The following ARHGEF12 variants were observed in gnomAD, a reference collection of about 807,000 sequenced individuals.
ARHGEF12 encodes the protein KMT2A/ARHGEF12 fusion protein.
Under a neutral mutation model 211.2 loss-of-function variants are expected in ARHGEF12, and 66 were observed. The ratio of observed to expected loss-of-function variants is 0.31; its 90% CI spans 0.26 to 0.38. The LOEUF is 0.38. Among genes scored for constraint, ARHGEF12 ranks in the 10% least tolerant of loss-of-function variants. The pLI is 1.00. For missense variants in ARHGEF12, 1,429 were observed against 1,869.5 expected (o/e 0.76, Z 4.34); for synonymous variants, 592 against 638.4 (o/e 0.93, Z 1.09).
At chr11:120,440,044 T>C (rs1025074217) in intron 12 of ARHGEF12, 85 bp from the exon 13 acceptor site, 2 of 909,060 alleles carry the variant, frequency 2.2e-6, no homozygotes, top group Non-Finnish European at 1.8e-6. Context: ...AAGTGAACCA[T>C]GTCTTTTTGA....
At chr11:120,382,093 G>C (rs1306003634) in intron 1 of ARHGEF12, among the ~76,000 whole-genome samples, 1 of 152,166 alleles carries the variant, frequency 6.6e-6, no homozygotes, top group Non-Finnish European at 1.5e-5. Flanking sequence ...CCCCATTAAA[G>C]GCCATTGTAG....
intron 1 of ARHGEF12, among the ~76,000 whole-genome samples, chr11:120,395,466 TAC>T (rs1256294241): frequency 6.6e-6 from 1 of 152,224 alleles, no homozygotes; most frequent in African/African-American, 2.4e-5. Context: ...TTAATATAGA[TAC>T]AGATATATGG....
At chr11:120,417,433 T>C (rs1158787028) in intron 4 of ARHGEF12, among the ~76,000 whole-genome samples, 2 of 151,936 alleles carry the variant, frequency 1.3e-5, no homozygotes, top group African/African-American at 4.8e-5. Context: ...ATAAGGGAGG[T>C]TGTGAAATAT....
intron 1 of ARHGEF12, among the ~76,000 whole-genome samples, chr11:120,397,621 T>A (rs1944428964): frequency 6.6e-6 from 1 of 152,232 alleles, no homozygotes; most frequent in Non-Finnish European, 1.5e-5. Flanking sequence ...CTATGTTTTT[T>A]AAATCTTTAT....
At chr11:120,406,257 C>A (rs1944700709) in intron 2 of ARHGEF12, 116 bp downstream of exon 2, 1 of 588,842 alleles carries the variant, frequency 1.7e-6, no homozygotes, top group Non-Finnish European at 2.7e-6. Context: ...TCAAGTAATT[C>A]AAAATTTCAA....
chr11:120,388,867 T>G (rs1213919856), intron 1 of ARHGEF12, among the ~76,000 whole-genome samples: 2 of 152,132 alleles, frequency 1.3e-5, no homozygotes, highest in African/African-American at 2.4e-5. Flanking sequence ...TTTTTTTTAT[T>G]TTATTTTATT....
intron 4 of ARHGEF12, among the ~76,000 whole-genome samples, chr11:120,419,341 C>A (rs190341198): frequency 1.3e-4 from 20 of 151,150 alleles, no homozygotes; most frequent in African/African-American, 4.1e-4. Context: ...GTTTATAAAC[C>A]CACCCTAAGG....
intron 10 of ARHGEF12, among the ~76,000 whole-genome samples, chr11:120,430,469 T>C (rs1030635716): frequency 6.6e-6 from 1 of 152,184 alleles, no homozygotes; most frequent in Non-Finnish European, 1.5e-5. Flanking sequence ...CAGTAGAATT[T>C]GCTGTATAGT....
At chr11:120,435,116 G>A (rs910957193) in intron 11 of ARHGEF12, among the ~76,000 whole-genome samples, 5 of 152,078 alleles carry the variant, frequency 3.3e-5, no homozygotes, top group Non-Finnish European at 5.9e-5. Context: ...TCAGGATCCA[G>A]TCAAGGCTTT....
intron 1 of ARHGEF12, among the ~76,000 whole-genome samples, chr11:120,369,638 T>A (rs1943533304): frequency 1.3e-5 from 2 of 152,240 alleles, no homozygotes; most frequent in South Asian, 2.1e-4. Context: ...TATACAAGAA[T>A]TTTTATTCTT....
chr11:120,347,179 CCTTCCTTT>C (rs1405588179), intron 1 of ARHGEF12, among the ~76,000 whole-genome samples: 8 of 95,412 alleles, frequency 8.4e-5, no homozygotes, highest in Non-Finnish European at 1.4e-4. Flanking sequence ...TTCCTTCCTT[CCTTCCTTT>C]CTTTCTTTCT....
chr11:120,368,388 C>T (rs1172510171), intron 1 of ARHGEF12, among the ~76,000 whole-genome samples: 1 of 152,188 alleles, frequency 6.6e-6, no homozygotes, highest in Non-Finnish European at 1.5e-5. Context: ...AGAGATCCTC[C>T]CACCTTGGCC....
intron 1 of ARHGEF12, among the ~76,000 whole-genome samples, chr11:120,343,987 A>G (rs1397610099): frequency 6.6e-6 from 1 of 152,118 alleles, no homozygotes; most frequent in African/African-American, 2.4e-5. Flanking sequence ...AAAACTGGCC[A>G]GGCGCGGTGG....
At chr11:120,372,521 AG>A (rs770695576) in intron 1 of ARHGEF12, among the ~76,000 whole-genome samples, 8 of 152,184 alleles carry the variant, frequency 5.3e-5, no homozygotes, top group Non-Finnish European at 1.2e-4. Flanking sequence ...TGTATAATGC[AG>A]TTCTGCTCTC....
At chr11:120,378,539 C>T (rs182232150) in intron 1 of ARHGEF12, among the ~76,000 whole-genome samples, 17 of 152,266 alleles carry the variant, frequency 1.1e-4, no homozygotes, top group East Asian at 1.9e-4. Flanking sequence ...TGGTCCCTAT[C>T]GTAAATATCT....
intron 1 of ARHGEF12, among the ~76,000 whole-genome samples, chr11:120,369,094 A>C (rs1007877752): frequency 1.9e-4 from 29 of 151,416 alleles, no homozygotes; most frequent in Non-Finnish European, 3.5e-4. Flanking sequence ...ACTGCTGACT[A>C]AAGTACTATA....
intron 28 of ARHGEF12, 27 bp downstream of exon 28, chr11:120,465,389 A>G: frequency 6.2e-7 from 1 of 1,612,354 alleles, no homozygotes; most frequent in South Asian, 1.1e-5. Context: ...ATGTAAGAAA[A>G]AAAATAAGGC....
intron 1 of ARHGEF12, among the ~76,000 whole-genome samples, chr11:120,403,223 C>G (rs1944591588): frequency 6.6e-6 from 1 of 152,052 alleles, no homozygotes; most frequent in East Asian, 1.9e-4. Context: ...AAAGTAAAGG[C>G]AGGCCAGGCG....
chr11:120,483,578 C>T (rs573173523), intron 39 of ARHGEF12, among the ~76,000 whole-genome samples: 1 of 151,954 alleles, frequency 6.6e-6, no homozygotes, highest in East Asian at 1.9e-4. Flanking sequence ...TGCCCGCCAC[C>T]ACACCCAGCT....
Sources: gnomAD v4.1 joint callset for allele counts (sites outside exome capture counted in the v4.1 genomes callset) on GRCh38, gnomAD v4.1.1 for gene constraint, MANE v1.5 for transcripts, NCBI Gene and HGNC (gene_info 2026-07-23, HGNC 2026-07-21) for gene names.